ABL2: variants seen among roughly 807,000 people sequenced by gnomAD.
ABL2 encodes the protein tyrosine-protein kinase ABL2.
ABL2 carries 49 observed loss-of-function variants against 107.7 expected under a neutral mutation model. The observed-to-expected ratio is 0.45, with a 90% CI of 0.36 to 0.58. The LOEUF (loss-of-function observed/expected upper bound fraction) is 0.58, where lower values mean the gene tolerates loss of function less well. Among genes scored for constraint, ABL2 ranks in the 20% least tolerant of loss-of-function variants. The pLI, the probability that ABL2 is intolerant of heterozygous loss-of-function variation, is 0.00. For synonymous variants in ABL2, 549 were observed against 548.6 expected (o/e 1.00, Z -0.01); for missense variants, 1,245 against 1,457.0 (o/e 0.85, Z 2.37).
intron 1 of ABL2, among the ~76,000 whole-genome samples, chr1:179,141,115 CAA>C (rs34158477): frequency 1.6e-4 from 10 of 62,902 alleles, no homozygotes; most frequent in Admixed American, 3.7e-4. Flanking sequence ...GACTCTGTCT[CAA>C]AAAAAAAAAA....
intron 1 of ABL2, among the ~76,000 whole-genome samples, chr1:179,189,982 G>A (rs1660905652): frequency 6.6e-6 from 1 of 152,032 alleles, no homozygotes; most frequent in African/African-American, 2.4e-5. Flanking sequence ...CACCATGACG[G>A]GCTAATTTTG....
At position 179,118,621 on chromosome 1, in the gene ABL2, T is replaced by C; in HGVS notation, c.1189A>G (p.Met397Val). The C allele has an allele frequency of 2.5e-6, 4 of 1,614,058 alleles. No individual in the cohort carries two copies. The highest frequency in any genetic ancestry group is 2.5e-6 in the Non-Finnish European group (3 of 1,180,004). The change falls in exon 7 of 12, where the codon ATG becomes GTG. Residue 397 changes from methionine (M) to valine (V), a missense_variant. Met to Val is a conservative substitution (Grantham distance 21). Around this residue, in one of 3 missense-constraint regions of ABL2, gnomAD observed 320 missense variants for 547.0 expected, o/e 0.59. Transcript: ENST00000502732. ...AAATTCTTCTTCTCTAAGTACTCCA[T>C]TGCAGAAGAAATCTGAGTGGCCATG... ...LYMATQISSA[M>V]EYLEKKNFIH...
At chr1:179,187,820 ATCTC>A (rs986494497) in intron 1 of ABL2, among the ~76,000 whole-genome samples, 12 of 152,072 alleles carry the variant, frequency 7.9e-5, no homozygotes, top group African/African-American at 2.9e-4. Context: ...CTCATAACTA[ATCTC>A]TCTGCTTTCA....
intron 1 of ABL2, among the ~76,000 whole-genome samples, chr1:179,223,844 C>G (rs1300057068): frequency 6.6e-6 from 1 of 151,544 alleles, no homozygotes; most frequent in Non-Finnish European, 1.5e-5. Context: ...ACATGAACTA[C>G]TGGCCGGGTG....
chr1:179,215,727 C>T (rs1207817385), intron 1 of ABL2, among the ~76,000 whole-genome samples: 1 of 150,796 alleles, frequency 6.6e-6, no homozygotes, highest in Admixed American at 6.6e-5. Context: ...GTGCCAATTT[C>T]AAAATGAGTA....
intron 1 of ABL2, among the ~76,000 whole-genome samples, chr1:179,225,251 T>A (rs1353525381): frequency 6.6e-6 from 1 of 152,232 alleles, no homozygotes; most frequent in Non-Finnish European, 1.5e-5. Flanking sequence ...AGTCCTGGAC[T>A]CTGATAAACC....
chr1:179,147,682 G>A (rs1380505522), intron 1 of ABL2, among the ~76,000 whole-genome samples: 2 of 152,108 alleles, frequency 1.3e-5, no homozygotes, highest in Non-Finnish European at 2.9e-5. Flanking sequence ...TGGACATACC[G>A]AATGGAATAA....
intron 1 of ABL2, among the ~76,000 whole-genome samples, chr1:179,186,016 G>A (rs984825999): frequency 3.6e-4 from 54 of 152,036 alleles, no homozygotes; most frequent in African/African-American, 1.1e-3. Context: ...AGGCCCGGGC[G>A]GGGAGATCAC....
chr1:179,132,881 T>C (rs1410831126), intron 2 of ABL2, among the ~76,000 whole-genome samples: 7 of 144,808 alleles, frequency 4.8e-5, no homozygotes, highest in Admixed American at 1.4e-4. Flanking sequence ...ACCACCGAGA[T>C]GGAGTCTTGT....
chr1:179,114,763 G>T, intron 9 of ABL2, 115 bp downstream of exon 9: 2 of 1,085,104 alleles, frequency 1.8e-6, no homozygotes, highest in Non-Finnish European at 2.6e-6. Context: ...CTCTTTAAAT[G>T]TCATGAGGCT....
intron 11 of ABL2, 62 bp from the exon 12 acceptor site, chr1:179,109,503 T>C (rs535936615): frequency 1.3e-6 from 2 of 1,534,236 alleles, no homozygotes; most frequent in Non-Finnish European, 1.7e-6. Context: ...ACATTTGAGT[T>C]ACCGAGGCTG....
chr1:179,171,662 A>G (rs533941861), intron 1 of ABL2, among the ~76,000 whole-genome samples: 1 of 152,308 alleles, frequency 6.6e-6, no homozygotes, highest in South Asian at 2.1e-4. Flanking sequence ...AGTTGGGACT[A>G]TAGGCACTTG....
At chr1:179,193,173 T>G (rs1205385297) in intron 1 of ABL2, among the ~76,000 whole-genome samples, 1 of 152,136 alleles carries the variant, frequency 6.6e-6, no homozygotes, top group African/African-American at 2.4e-5. Context: ...ATAATTTTCA[T>G]GTATCAAGAA....
At chr1:179,218,473 T>A (rs915232122) in intron 1 of ABL2, among the ~76,000 whole-genome samples, 2 of 152,126 alleles carry the variant, frequency 1.3e-5, no homozygotes, top group Admixed American at 6.5e-5. Flanking sequence ...CTCGGCTCAC[T>A]GCAGCCTCTG....
At chr1:179,197,153 T>C (rs751996073) in intron 1 of ABL2, among the ~76,000 whole-genome samples, 4 of 152,162 alleles carry the variant, frequency 2.6e-5, no homozygotes, top group Non-Finnish European at 5.9e-5. Context: ...TTGCTGAGAC[T>C]TTTCCAAAAA....
intron 1 of ABL2, among the ~76,000 whole-genome samples, chr1:179,136,709 A>AAAAAAAATAAAT (rs773475981): frequency 1.4e-5 from 2 of 140,642 alleles, no homozygotes; most frequent in Non-Finnish European, 3.1e-5. Flanking sequence ...TGATCAATAA[A>AAAAAAAATAAAT]AAATAAATAA....
intron 4 of ABL2, among the ~76,000 whole-genome samples, chr1:179,122,496 T>C (rs1185789092): frequency 2.0e-5 from 3 of 152,014 alleles, no homozygotes; most frequent in Non-Finnish European, 4.4e-5. Context: ...AGTTTAATCT[T>C]ATTTAATCTG....
rs573434517 is a variant in ABL2 at position 179,212,550 on chromosome 1, T to G, written c.157+16691A>C. On this transcript the variant is annotated intron_variant, in intron 1 of 11. Transcript: ENST00000502732. ...GAGTTCGAGACCAGCCTGACCAACA[T>G]GGAGAAACCCTGTCTCTACTACAAA... 1.8e-4 allele frequency among the ~76,000 whole-genome samples: 27 copies of G among 151,670 alleles called. No homozygotes were observed. In the South Asian group the frequency reaches 5.4e-3, roughly 30 times the overall value.
At chr1:179,229,186 CGACCCCA>C in intron 1 of ABL2, 48 bp downstream of exon 1, 46 of 667,768 alleles carry the variant, frequency 6.9e-5, no homozygotes, top group Non-Finnish European at 9.8e-5. Context: ...CACCCCGCCC[CGACCCCA>C]CCCCCGGCCT....
Sources: gnomAD v4.1 joint callset for allele counts (sites outside exome capture counted in the v4.1 genomes callset) on GRCh38, gnomAD v4.1.1 for gene constraint, gnomAD v4.1.1 regional missense constraint, MANE v1.5 for transcripts, NCBI Gene and HGNC (gene_info 2026-07-23, HGNC 2026-07-21) for gene names.